IL21R: variants seen among roughly 807,000 people sequenced by gnomAD.
IL21R encodes interleukin 21 receptor, also known as interleukin-21 receptor.
In IL21R, 14 loss-of-function variants were observed where a neutral mutation model predicts 41.3. That is an observed-to-expected ratio of 0.34 (90% CI 0.22 to 0.53). IL21R has a LOEUF of 0.53. Among genes scored for constraint, IL21R ranks in the 20% least tolerant of loss-of-function variants. IL21R has a pLI of 0.94. For missense variants in IL21R, 588 were observed against 681.6 expected (o/e 0.86, Z 1.53); for synonymous variants, 286 against 287.6 (o/e 0.99, Z 0.05).
intron 1 of IL21R, among the ~76,000 whole-genome samples, chr16:27,418,211 A>C (rs2086928304): frequency 1.3e-5 from 2 of 151,174 alleles, no homozygotes; most frequent in Admixed American, 1.3e-4. Flanking sequence ...CTGGGACTAC[A>C]GGCGCCTGCC....
At chr16:27,428,469 G>T (rs2087114359) in intron 1 of IL21R, among the ~76,000 whole-genome samples, 1 of 152,264 alleles carries the variant, frequency 6.6e-6, no homozygotes, top group Non-Finnish European at 1.5e-5. Context: ...CTGTGACTTG[G>T]GTCCTGCATG....
chr16:27,441,809 G>C (rs573109852), intron 4 of IL21R, among the ~76,000 whole-genome samples: 91 of 152,262 alleles, frequency 6.0e-4, no homozygotes, highest in African/African-American at 2.1e-3. Context: ...AGGAGTTTGA[G>C]ACCAGCCTGG....
intron 3 of IL21R, 87 bp from the exon 4 acceptor site, chr16:27,437,401 G>A (rs958087025): frequency 2.2e-5 from 24 of 1,091,044 alleles, no homozygotes; most frequent in Non-Finnish European, 3.2e-5. Flanking sequence ...GAGAGTCTGG[G>A]CTTCTGCCCT....
chr16:27,418,904 A>T (rs950551545), intron 1 of IL21R, among the ~76,000 whole-genome samples: 2 of 65,792 alleles, frequency 3.0e-5, no homozygotes, highest in Non-Finnish European at 6.9e-5. Context: ...TTTACTTAAA[A>T]AAATTTTTTT....
chr16:27,418,662 GC>G (rs1283455229), intron 1 of IL21R, among the ~76,000 whole-genome samples: 1 of 152,122 alleles, frequency 6.6e-6, no homozygotes. Flanking sequence ...GAGCCGCTGC[GC>G]CCCGCCAACA....
intron 4 of IL21R, among the ~76,000 whole-genome samples, chr16:27,441,036 G>A (rs2087378613): frequency 9.4e-6 from 1 of 106,352 alleles, no homozygotes; most frequent in Non-Finnish European, 1.7e-5. Context: ...GGGTGACAGA[G>A]ATTCTGTCTC....
chr16:27,449,301 C>T lies in IL21R; in HGVS notation c.*18C>T, dbSNP rs2087548242. 6.4e-7 allele frequency: 1 copy of T among 1,565,030 alleles called. No individual in the cohort carries two copies. The highest frequency in any genetic ancestry group is 1.3e-5 in the African/African-American group (1 of 74,206). On this transcript the variant is annotated 3_prime_UTR_variant, in exon 9 of 9. Coordinates refer to ENST00000337929, the MANE Select transcript of IL21R (RefSeq NM_181078.3). ...CCAGCTAATGAGGCTGACTGGATGT[C>T]CAGAGCTGGCCAGGCCACTGGGCCC... is the stretch of plus-strand genomic sequence containing the variant.
intron 4 of IL21R, among the ~76,000 whole-genome samples, chr16:27,440,178 G>C (rs2087355040): frequency 6.7e-6 from 1 of 148,396 alleles, no homozygotes; most frequent in African/African-American, 2.5e-5. Flanking sequence ...CAGCCTTAGA[G>C]CTCCTTTCTG....
At chr16:27,435,191 G>A (rs1260344861) in intron 3 of IL21R, among the ~76,000 whole-genome samples, 1 of 152,014 alleles carries the variant, frequency 6.6e-6, no homozygotes, top group Non-Finnish European at 1.5e-5. Flanking sequence ...GGAGGTCGAG[G>A]CTGCAGTGAG....
rs531851586 is a variant in IL21R at position 27,437,970 on chromosome 16, C to T, written c.352+283C>T. Among the ~76,000 whole-genome samples, 11 of 152,302 alleles carry T rather than the reference C, an allele frequency of 7.2e-5. No homozygotes were observed. In the South Asian group the frequency reaches 2.3e-3, roughly 32 times the overall value. On this transcript the variant is annotated intron_variant, in intron 4 of 8. Transcript: ENST00000337929. ...GGGGCTGGGTCCCCTACTCCCTGCC[C>T]TCTGGGCCAGCTCTCCTCCTTCCAT...
At chr16:27,439,588 C>T (rs541478413) in intron 4 of IL21R, among the ~76,000 whole-genome samples, 12 of 151,682 alleles carry the variant, frequency 7.9e-5, no homozygotes, top group African/African-American at 2.7e-4. Context: ...TATGCACACA[C>T]TCACACATGC....
Position 27,404,220 on chromosome 16 carries a change from G to A in IL21R, c.-17+1602G>A, listed in dbSNP as rs555964368. On this transcript the variant is annotated intron_variant, in intron 1 of 8. Transcript: ENST00000337929. ...CCGCTCCTCTGCCAGGAGGGTGTCC[G>A]GATCCTTACTCAGTCCCACAGTGGA... is the stretch of plus-strand genomic sequence containing the variant. Among the ~76,000 whole-genome samples, 32 of 152,242 alleles carry A rather than the reference G, an allele frequency of 2.1e-4. 2 individuals are homozygous for A. The South Asian group carries it at 5.0e-3, about 24-fold the overall frequency.
In IL21R at chr16:27,411,115, G is replaced by T. The variant is rs531576194; in HGVS notation, c.-17+8497G>T. On this transcript the variant is annotated intron_variant, in intron 1 of 8. Coordinates refer to ENST00000337929, the MANE Select transcript of IL21R (RefSeq NM_181078.3). ...CATCTTAGCTATTGTAAATAATGCT[G>T]CAGAAACAGGTGTGCAAATATCTCT... Among the ~76,000 whole-genome samples, 42 of 152,282 alleles carry T rather than the reference G, an allele frequency of 2.8e-4. No homozygotes were observed. In the Middle Eastern group the frequency reaches 0.01, roughly 37 times the overall value.
At chr16:27,442,885 C>T (rs2087414063) in intron 4 of IL21R, 77 bp from the exon 5 acceptor site, 3 of 1,381,868 alleles carry the variant, frequency 2.2e-6, no homozygotes, top group South Asian at 1.4e-5. Flanking sequence ...GCAGGCAGGA[C>T]TTCCTCCCAT....
In IL21R at chr16:27,448,605, C is replaced by T; in HGVS notation, c.939C>T (p.Thr313=). The T allele has an allele frequency of 6.2e-7, 1 of 1,613,020 alleles. No individual in the cohort carries two copies. Among genetic ancestry groups the T allele is most frequent in the Non-Finnish European group, 8.5e-7 (1 of 1,179,984 alleles). The change falls in exon 9 of 9, where the codon ACC becomes ACT. Residue 313 remains threonine, a synonymous_variant. Transcript: ENST00000337929. ...CCTGGAGCCCAGAGGTGCCCTCCAC[C>T]CTGGAGGTGTACAGCTGCCACCCAC... is the stretch of plus-strand genomic sequence containing the variant. The part of the protein sequence containing the change: ...LGPWSPEVPS[T]LEVYSCHPPR...
At chr16:27,437,314 G>A (rs1389819814) in intron 3 of IL21R, among the ~76,000 whole-genome samples, 174 bp from the exon 4 acceptor site, 3 of 152,164 alleles carry the variant, frequency 2.0e-5, no homozygotes, top group South Asian at 4.1e-4. Flanking sequence ...TGTAGGGGAG[G>A]TGATACCTTC....
intron 1 of IL21R, among the ~76,000 whole-genome samples, chr16:27,414,945 TGCAAAAAA>T (rs1339609848): frequency 6.6e-6 from 1 of 152,170 alleles, no homozygotes; most frequent in Non-Finnish European, 1.5e-5. Context: ...GGCGTCTGTT[TGCAAAAAA>T]GCCCCTATCA....
intron 1 of IL21R, among the ~76,000 whole-genome samples, chr16:27,422,438 T>G (rs1156583720): frequency 6.6e-6 from 1 of 152,110 alleles, no homozygotes; most frequent in Non-Finnish European, 1.5e-5. Context: ...CACAATGTCT[T>G]CTATGTCTCT....
At chr16:27,443,697 C>T (rs977334631) in intron 5 of IL21R, among the ~76,000 whole-genome samples, 2 of 151,780 alleles carry the variant, frequency 1.3e-5, no homozygotes, top group African/African-American at 2.4e-5. Context: ...GCAGGAGAAT[C>T]ACTTGAATCC....
Sources: allele counts gnomAD v4.1 joint callset (sites outside exome capture counted in the v4.1 genomes callset), GRCh38; gene constraint gnomAD v4.1.1; transcripts MANE v1.5; gene names NCBI Gene and HGNC (gene_info 2026-07-23, HGNC 2026-07-21).